MTHFD2L: variants seen among roughly 807,000 people sequenced by gnomAD.
MTHFD2L encodes methylenetetrahydrofolate dehydrogenase (NADP+ dependent) 2 like.
Under a neutral mutation model 34.9 loss-of-function variants are expected in MTHFD2L, and 29 were observed. The ratio of observed to expected loss-of-function variants is 0.83; its 90% CI spans 0.62 to 1.13. The LOEUF (loss-of-function observed/expected upper bound fraction) is 1.13, where lower values mean the gene tolerates loss of function less well. Among genes scored for constraint, MTHFD2L ranks in the 50% most tolerant of loss-of-function variants. The probability of loss-of-function intolerance (pLI) is 0.00; values close to 1 mark genes in which losing one functional copy is unlikely to be tolerated. For synonymous variants in MTHFD2L, 167 were observed against 155.7 expected, an observed-to-expected ratio of 1.07 and a Z score of -0.54; for missense variants, 481 against 446.5, an observed-to-expected ratio of 1.08 and a Z score of -0.70.
chr4:74,127,377 C>T (rs1722157842), intron 1 of MTHFD2L, among the ~76,000 whole-genome samples: 1 of 152,146 alleles, frequency 6.6e-6, no homozygotes, highest in Non-Finnish European at 1.5e-5. Flanking sequence ...GTTGTCCTCA[C>T]TATTCAATCT....
intron 1 of MTHFD2L, among the ~76,000 whole-genome samples, chr4:74,145,186 T>C (rs1370369918): frequency 6.6e-6 from 1 of 151,302 alleles, no homozygotes. Context: ...ACCCAAATCA[T>C]TCTGTATTTG....
At chr4:74,176,554 G>T (rs516241) in intron 3 of MTHFD2L, among the ~76,000 whole-genome samples, 150,753 of 152,160 alleles carry the variant, frequency 0.99, 74,695 homozygotes, top group Middle Eastern at 1. Context: ...CTTTGCCATC[G>T]ATGTTTGATG....
At chr4:74,300,897 C>A (rs1293165131) in intron 7 of MTHFD2L, among the ~76,000 whole-genome samples, 1 of 152,162 alleles carries the variant, frequency 6.6e-6, no homozygotes, top group East Asian at 1.9e-4. Context: ...GACAAATAAT[C>A]TCATAATGCA....
At chr4:74,250,945 C>T (rs1007748592) in intron 6 of MTHFD2L, among the ~76,000 whole-genome samples, 1 of 152,168 alleles carries the variant, frequency 6.6e-6, no homozygotes, top group African/African-American at 2.4e-5. Flanking sequence ...AAAAATGCCT[C>T]TCCCTTATGT....
chr4:74,167,407 CA>C (rs1213931336), intron 1 of MTHFD2L, among the ~76,000 whole-genome samples: 1 of 152,184 alleles, frequency 6.6e-6, no homozygotes, highest in Non-Finnish European at 1.5e-5. Context: ...CCTGGCACCA[CA>C]AAAAGAACAA....
At chr4:74,270,187 T>C (rs1745777427) in intron 6 of MTHFD2L, among the ~76,000 whole-genome samples, 1 of 152,044 alleles carries the variant, frequency 6.6e-6, no homozygotes, top group Non-Finnish European at 1.5e-5. Context: ...ATTATTATTA[T>C]ACTTTAACTT....
chr4:74,268,799 A>T (rs528426872), intron 6 of MTHFD2L, among the ~76,000 whole-genome samples: 6 of 152,172 alleles, frequency 3.9e-5, no homozygotes, highest in African/African-American at 1.2e-4. Context: ...GAGAATAAGG[A>T]TATAGCCTCC....
rs377290676 is a variant in MTHFD2L at position 74,174,695 on chromosome 4, G to A, written c.328+5G>A. On this transcript the variant is annotated splice_donor_5th_base_variant and intron_variant, in intron 2 of 7. Coordinates refer to ENST00000325278, the MANE Select transcript of MTHFD2L (RefSeq NM_001144978.3). The stretch of plus-strand genomic sequence containing the variant: ...TAAGAGCTGCCTCTGCTGTAGGTGG[G>A]TGTGTGTTTTAGTTGTAATTACTAC... 2.7e-6 allele frequency: 4 copies of A among 1,471,482 alleles called. No individual in the cohort carries two copies. The African/African-American group carries it at 4.4e-5, about 16-fold the overall frequency. The allele number at this position is 1,471,482 out of a possible 1,614,324, so 91.2% of individuals were successfully genotyped here.
In MTHFD2L at chr4:74,237,810, T is replaced by G. The variant is rs200642288; in HGVS notation, c.805+12416T>G. 9.9e-5 allele frequency among the ~76,000 whole-genome samples: 15 copies of G among 152,228 alleles called. No homozygotes were observed. In the East Asian group the frequency reaches 2.3e-3, roughly 24 times the overall value. ...TGCATCAGCACCACTGACTCAGAGC[T>G]TGCACCTGCAGAGTTCAAAAAAAGG... is the stretch of plus-strand genomic sequence containing the variant. On this transcript the variant is annotated intron_variant, in intron 6 of 7. Transcript: ENST00000325278.
At chr4:74,158,946 G>T (rs776998460) in intron 1 of MTHFD2L, among the ~76,000 whole-genome samples, 24 of 152,148 alleles carry the variant, frequency 1.6e-4, no homozygotes, top group Non-Finnish European at 3.1e-4. Context: ...TTAACAAGAT[G>T]AAAATATATC....
Position 74,276,729 on chromosome 4 carries a change from C to T in MTHFD2L, c.806-4696C>T, listed in dbSNP as rs141832901. 3.4e-3 allele frequency among the ~76,000 whole-genome samples: 520 copies of T among 152,096 alleles called. 7 individuals are homozygous for T. The highest frequency in any genetic ancestry group is 0.012 in the African/African-American group (481 of 41,504). ...CACTGATTGAGCAACTATATGCTTC[C>T]GATCATTTGCCTCTGCAAGACAGCA... On this transcript the variant is annotated intron_variant, in intron 6 of 7. Coordinates refer to ENST00000325278, the MANE Select transcript of MTHFD2L (RefSeq NM_001144978.3).
chr4:74,299,624 T>C (rs911071460), intron 7 of MTHFD2L, among the ~76,000 whole-genome samples: 1 of 152,012 alleles, frequency 6.6e-6, no homozygotes, highest in Admixed American at 6.6e-5. Context: ...TAAATTGATA[T>C]TGTTTACATC....
chr4:74,153,741 G>C (rs577889), upstream of MTHFD2L, among the ~76,000 whole-genome samples: 1 of 152,184 alleles, frequency 6.6e-6, no homozygotes, highest in Non-Finnish European at 1.5e-5. Context: ...ACCCTGGCTA[G>C]ATAGACATTT....
chr4:74,275,245 C>T (rs1746463670), intron 6 of MTHFD2L, among the ~76,000 whole-genome samples: 1 of 152,096 alleles, frequency 6.6e-6, no homozygotes, highest in Non-Finnish European at 1.5e-5. Flanking sequence ...TGGCTTCCAG[C>T]TTCATCCATG....
intron 1 of MTHFD2L, among the ~76,000 whole-genome samples, chr4:74,125,802 T>G (rs1342358889): frequency 4.6e-5 from 7 of 152,138 alleles, no homozygotes; most frequent in African/African-American, 1.7e-4. Flanking sequence ...CTCTTTTAAT[T>G]TATGGTTTTA....
intron 1 of MTHFD2L, 88 bp from the exon 2 acceptor site, chr4:74,174,415 CATG>C (rs1285742663): frequency 9.8e-7 from 1 of 1,024,620 alleles, no homozygotes; most frequent in Non-Finnish European, 1.3e-6. Context: ...CTTGGAGAAT[CATG>C]GTGGTTTTAT....
chr4:74,116,927 G>T (rs895309070), intron 2 of MTHFD2L, among the ~76,000 whole-genome samples: 1 of 152,188 alleles, frequency 6.6e-6, no homozygotes, highest in Non-Finnish European at 1.5e-5. Flanking sequence ...AGCTTGTTAG[G>T]TTTTATTTCA....
At chr4:74,173,510 G>A (rs1401111733) in intron 1 of MTHFD2L, among the ~76,000 whole-genome samples, 3 of 152,144 alleles carry the variant, frequency 2.0e-5, no homozygotes, top group South Asian at 2.1e-4. Context: ...GCTGTTGTCC[G>A]GGGCCATGCC....
At chr4:74,199,713 C>A (rs2110050804) in intron 3 of MTHFD2L, 81 bp from the exon 4 acceptor site, 2 of 1,200,324 alleles carry the variant, frequency 1.7e-6, no homozygotes, top group East Asian at 5.1e-5. Flanking sequence ...AGTGATGTGG[C>A]TTTAGATTCT....
Sources: gnomAD v4.1 joint callset for allele counts (sites outside exome capture counted in the v4.1 genomes callset) on GRCh38, gnomAD v4.1.1 for gene constraint, MANE v1.5 for transcripts, NCBI Gene and HGNC (gene_info 2026-07-23, HGNC 2026-07-21) for gene names.